The following ARHGAP10 variants were observed in gnomAD, a reference collection of about 807,000 sequenced individuals.
ARHGAP10 encodes the protein Rho GTPase activating protein 10.
ARHGAP10 carries 87 observed loss-of-function variants against 108.6 expected under a neutral mutation model. The ratio of observed to expected loss-of-function variants is 0.80; its 90% CI spans 0.67 to 0.96. The LOEUF is 0.96. ARHGAP10 is among the 40% of genes least tolerant of loss of function. The probability of loss-of-function intolerance (pLI) is 0.00; values close to 1 mark genes in which losing one functional copy is unlikely to be tolerated. For synonymous variants in ARHGAP10, 347 were observed against 341.1 expected, an observed-to-expected ratio of 1.02 and a Z score of -0.19; for missense variants, 939 against 954.5, an observed-to-expected ratio of 0.98 and a Z score of 0.21.
intron 5 of ARHGAP10, chr4:147,858,155 T>TA (rs1677362217): frequency 6.6e-6 from 1 of 152,140 alleles, no homozygotes; most frequent in South Asian, 2.1e-4. Context: ...CAGCCATATG[T>TA]AAGCAGGAAG....
intron 14 of ARHGAP10, among the ~76,000 whole-genome samples, chr4:147,944,609 G>A (rs1033205128): frequency 1.3e-5 from 2 of 152,074 alleles, no homozygotes; most frequent in Non-Finnish European, 2.9e-5. Context: ...TCTTTTTAGT[G>A]TTTTTAAAAA....
chr4:147,897,680 A>G (rs1037255536), intron 10 of ARHGAP10, among the ~76,000 whole-genome samples: 4 of 152,166 alleles, frequency 2.6e-5, no homozygotes, highest in African/African-American at 7.2e-5. Context: ...ATATATTCTA[A>G]TTCTACATAC....
At chr4:147,968,147 T>C (rs1258555915) in intron 18 of ARHGAP10, among the ~76,000 whole-genome samples, 2 of 152,182 alleles carry the variant, frequency 1.3e-5, no homozygotes, top group Admixed American at 1.3e-4. Flanking sequence ...GCTTCATTTA[T>C]ATGTAGGGAT....
Position 147,745,638 on chromosome 4 carries a change from C to T in ARHGAP10, c.154+13183C>T, listed in dbSNP as rs539653133. Among the ~76,000 whole-genome samples, 226 of 151,584 alleles carry T rather than the reference C, an allele frequency of 1.5e-3. 1 individual carries two copies. Among genetic ancestry groups the T allele is most frequent in the African/African-American group, 5.0e-3 (207 of 41,280 alleles). ...TCCCGAGTAGCTGGGACTACAGGCG[C>T]CCACAACCACGCCCTGCTAATTTTT... On this transcript the variant is annotated intron_variant, in intron 1 of 22. Coordinates refer to ENST00000336498, the MANE Select transcript of ARHGAP10 (RefSeq NM_024605.4).
intron 1 of ARHGAP10, among the ~76,000 whole-genome samples, chr4:147,757,416 G>A (rs1159332590): frequency 1.3e-5 from 2 of 152,044 alleles, no homozygotes; most frequent in Non-Finnish European, 2.9e-5. Context: ...GGCTGGTCTT[G>A]AACTCCTGAG....
chr4:147,985,030 C>T (rs1739980659), intron 18 of ARHGAP10, among the ~76,000 whole-genome samples: 1 of 152,140 alleles, frequency 6.6e-6, no homozygotes, highest in Non-Finnish European at 1.5e-5. Context: ...GAGCTGGGAA[C>T]CTCACCTGGT....
chr4:147,933,645 G>A (rs1433727302), intron 13 of ARHGAP10, among the ~76,000 whole-genome samples: 5 of 152,170 alleles, frequency 3.3e-5, no homozygotes, highest in Non-Finnish European at 7.4e-5. Flanking sequence ...GATGGACCTG[G>A]GGAAGACCCA....
intron 7 of ARHGAP10, among the ~76,000 whole-genome samples, chr4:147,873,446 G>C (rs1391557234): frequency 1.3e-5 from 2 of 151,892 alleles, no homozygotes; most frequent in African/African-American, 2.4e-5. Context: ...ACACACATGG[G>C]GGGAAATGAG....
At chr4:147,965,904 AAC>A (rs1344256036) in intron 17 of ARHGAP10, among the ~76,000 whole-genome samples, 2 of 152,230 alleles carry the variant, frequency 1.3e-5, no homozygotes, top group Non-Finnish European at 2.9e-5. Context: ...AAATAGCAAA[AAC>A]ACAAAGCAGA....
At chr4:147,894,095 G>C (rs980633395) in intron 10 of ARHGAP10, among the ~76,000 whole-genome samples, 6 of 151,406 alleles carry the variant, frequency 4.0e-5, no homozygotes, top group Non-Finnish European at 7.4e-5. Context: ...TTTTCTACAA[G>C]AGTTTTTGTG....
At chr4:147,868,987 A>G (rs1297770100) in intron 7 of ARHGAP10, among the ~76,000 whole-genome samples, 3 of 152,094 alleles carry the variant, frequency 2.0e-5, no homozygotes, top group African/African-American at 7.2e-5. Flanking sequence ...TACTGGCTAT[A>G]TAATCTGTGG....
intron 10 of ARHGAP10, among the ~76,000 whole-genome samples, chr4:147,901,786 C>A (rs912837829): frequency 3.9e-5 from 6 of 152,300 alleles, no homozygotes; most frequent in African/African-American, 1.4e-4. Flanking sequence ...TTACTAGAAT[C>A]AGTCATTCTT....
At position 147,991,221 on chromosome 4, in the gene ARHGAP10, T is replaced by A. The variant is rs75682900; in HGVS notation, c.1716+24382T>A. Among the ~76,000 whole-genome samples, 1,031 of 151,778 alleles carry A rather than the reference T, an allele frequency of 6.8e-3. 42 individuals carry two copies. In the East Asian group the frequency reaches 0.13, roughly 18 times the overall value. On this transcript the variant is annotated intron_variant, in intron 18 of 22. Coordinates refer to ENST00000336498, the MANE Select transcript of ARHGAP10 (RefSeq NM_024605.4). ...GGTCTAGGGCCCGCTTCTCTGGGTA[T>A]GTTAGCGGTCCTTAGGGCCACGTCT...
chr4:147,944,046 TA>T (rs1224023068), intron 14 of ARHGAP10, among the ~76,000 whole-genome samples: 1 of 152,204 alleles, frequency 6.6e-6, no homozygotes, highest in Non-Finnish European at 1.5e-5. Context: ...TCTTGGATTT[TA>T]AAAAGGTGGT....
intron 1 of ARHGAP10, among the ~76,000 whole-genome samples, chr4:147,786,399 T>C (rs995560158): frequency 2.6e-5 from 4 of 152,194 alleles, no homozygotes; most frequent in Admixed American, 6.5e-5. Context: ...TGCTGCGGCA[T>C]CCTGAAAAGC....
chr4:147,899,890 T>G (rs1312448969), intron 10 of ARHGAP10, among the ~76,000 whole-genome samples: 2 of 151,724 alleles, frequency 1.3e-5, no homozygotes, highest in Non-Finnish European at 2.9e-5. Context: ...TTTTTTTTTT[T>G]TCCTTTTCAA....
chr4:147,993,041 T>G (rs1740339355), intron 18 of ARHGAP10, among the ~76,000 whole-genome samples: 2 of 152,374 alleles, frequency 1.3e-5, no homozygotes, highest in African/African-American at 4.8e-5. Flanking sequence ...TTACCTTCTT[T>G]CTAATATCTT....
At chr4:147,876,443 A>AT (rs1004417136) in intron 8 of ARHGAP10, among the ~76,000 whole-genome samples, 37 of 152,054 alleles carry the variant, frequency 2.4e-4, no homozygotes, top group Non-Finnish European at 1.3e-4. Context: ...AATACAAAAA[A>AT]TCAGCAGGGC....
chr4:147,818,355 C>G (rs755335990), intron 1 of ARHGAP10, among the ~76,000 whole-genome samples: 1 of 151,770 alleles, frequency 6.6e-6, no homozygotes. Flanking sequence ...CACCTGAGGT[C>G]GGGAGTTCAA....
Sources: allele counts gnomAD v4.1 joint callset (sites outside exome capture counted in the v4.1 genomes callset), GRCh38; gene constraint gnomAD v4.1.1; transcripts MANE v1.5; gene names NCBI Gene and HGNC (gene_info 2026-07-23, HGNC 2026-07-21).